Variants in ZFHX3 observed in about 807,000 individuals in gnomAD.
ZFHX3 encodes zinc finger homeobox protein 3.
In ZFHX3, 42 loss-of-function variants were observed where a neutral mutation model predicts 279.1. That is an observed-to-expected ratio of 0.15 (90% CI 0.12 to 0.19). ZFHX3 has a LOEUF of 0.19. Among genes scored for constraint, ZFHX3 ranks in the 10% least tolerant of loss-of-function variants. The pLI, the probability that ZFHX3 is intolerant of heterozygous loss-of-function variation, is 1.00. For synonymous variants in ZFHX3, 2,293 were observed against 1,957.8 expected, an observed-to-expected ratio of 1.17 and a Z score of -4.52; for missense variants, 4,981 against 4,754.0, an observed-to-expected ratio of 1.05 and a Z score of -1.40.
At chr16:72,859,230 C>A (rs1338302042) in intron 4 of ZFHX3, among the ~76,000 whole-genome samples, 1 of 152,208 alleles carries the variant, frequency 6.6e-6, no homozygotes, top group Admixed American at 6.5e-5. Context: ...AAACAGGCAG[C>A]CCACATAAAC....
intron 2 of ZFHX3, among the ~76,000 whole-genome samples, chr16:73,676,797 T>C (rs2052959014): frequency 6.6e-6 from 1 of 150,864 alleles, no homozygotes; most frequent in Non-Finnish European, 1.5e-5. Flanking sequence ...GAGATACAAA[T>C]AAAAAAAAGA....
At chr16:72,846,928 A>G (rs2037496385) in intron 4 of ZFHX3, among the ~76,000 whole-genome samples, 1 of 152,204 alleles carries the variant, frequency 6.6e-6, no homozygotes, top group Admixed American at 6.5e-5. Flanking sequence ...CTGGACGCCC[A>G]TAAACCAAAG....
chr16:72,808,201 A>C (rs1249998343), intron 7 of ZFHX3: 1 of 152,180 alleles, frequency 6.6e-6, no homozygotes, highest in Non-Finnish European at 1.5e-5. Flanking sequence ...TTTACACCAA[A>C]TTTTTCAGAG....
At chr16:73,182,072 G>C (rs1054593038) in intron 5 of ZFHX3, among the ~76,000 whole-genome samples, 2 of 152,212 alleles carry the variant, frequency 1.3e-5, no homozygotes, top group Non-Finnish European at 2.9e-5. Context: ...GGCTAGACAA[G>C]GCTCAGAATC....
At chr16:73,303,575 C>G (rs1187907939) in intron 4 of ZFHX3, among the ~76,000 whole-genome samples, 3 of 152,124 alleles carry the variant, frequency 2.0e-5, no homozygotes, top group Non-Finnish European at 2.9e-5. Flanking sequence ...GAAAAAGTCA[C>G]TTTATAACTG....
intron 4 of ZFHX3, among the ~76,000 whole-genome samples, chr16:72,879,403 G>C (rs951330538): frequency 6.6e-6 from 1 of 152,174 alleles, no homozygotes; most frequent in Non-Finnish European, 1.5e-5. Context: ...TAAAAGCACA[G>C]TGGGCAGCAA....
chr16:73,263,706 G>T (rs13329971), intron 4 of ZFHX3, among the ~76,000 whole-genome samples: 11,899 of 152,268 alleles, frequency 0.078, 559 homozygotes, highest in African/African-American at 0.12. Flanking sequence ...AGAGCTGCTA[G>T]TTGCAGGAGT....
chr16:73,516,878 C>T (rs1024759884), intron 2 of ZFHX3, among the ~76,000 whole-genome samples: 5 of 152,228 alleles, frequency 3.3e-5, no homozygotes, highest in Admixed American at 2.6e-4. Flanking sequence ...ATCTTGAATA[C>T]TTTTCTGTCT....
chr16:72,852,298 G>A (rs537921817), intron 4 of ZFHX3, among the ~76,000 whole-genome samples: 4 of 152,158 alleles, frequency 2.6e-5, no homozygotes, highest in East Asian at 3.9e-4. Flanking sequence ...GTCCAAATTC[G>A]TTTGCATTTT....
chr16:73,743,823 G>A (rs1390894342), intron 1 of ZFHX3, among the ~76,000 whole-genome samples: 1 of 152,076 alleles, frequency 6.6e-6, no homozygotes, highest in Non-Finnish European at 1.5e-5. Context: ...AGAAGCTTAT[G>A]GAAGCACTGC....
chr16:72,972,929 C>A (rs1452294211), intron 1 of ZFHX3, among the ~76,000 whole-genome samples: 1 of 152,178 alleles, frequency 6.6e-6, no homozygotes, highest in East Asian at 1.9e-4. Flanking sequence ...GACATCTCTC[C>A]TCCCTGTTCT....
At chr16:72,899,400 A>G (rs1220542716) in intron 3 of ZFHX3, among the ~76,000 whole-genome samples, 1 of 152,156 alleles carries the variant, frequency 6.6e-6, no homozygotes, top group Non-Finnish European at 1.5e-5. Flanking sequence ...GTGAAAAAGG[A>G]CATGTTTGCT....
At chr16:73,324,727 A>C (rs994539815) in intron 3 of ZFHX3, among the ~76,000 whole-genome samples, 3 of 152,190 alleles carry the variant, frequency 2.0e-5, no homozygotes, top group African/African-American at 7.2e-5. Context: ...GCTTCACCTG[A>C]ACTCTGTGAT....
chr16:73,817,581 T>C (rs1422053498), intron 1 of ZFHX3, among the ~76,000 whole-genome samples: 1 of 152,208 alleles, frequency 6.6e-6, no homozygotes, highest in Non-Finnish European at 1.5e-5. Context: ...ACCTGCTCGG[T>C]CTGCAAAGCA....
At chr16:73,094,026 G>A (rs1239013137) in intron 7 of ZFHX3, among the ~76,000 whole-genome samples, 3 of 152,150 alleles carry the variant, frequency 2.0e-5, no homozygotes, top group African/African-American at 7.2e-5. Flanking sequence ...GCAAAGGCAG[G>A]ATGGGGTGAG....
At chr16:72,839,633 C>G (rs1426732837) in intron 4 of ZFHX3, among the ~76,000 whole-genome samples, 3 of 151,584 alleles carry the variant, frequency 2.0e-5, no homozygotes, top group African/African-American at 7.3e-5. Flanking sequence ...AAGCCCCACC[C>G]CCCCCAAAAA....
At chr16:73,619,706 G>T (rs1179738827) in intron 2 of ZFHX3, among the ~76,000 whole-genome samples, 5 of 151,658 alleles carry the variant, frequency 3.3e-5, no homozygotes, top group African/African-American at 1.2e-4. Context: ...CTTCCCTCCA[G>T]CTCAAACTGT....
chr16:73,888,070 A>G (rs1324916475), intron 1 of ZFHX3, among the ~76,000 whole-genome samples: 1 of 152,160 alleles, frequency 6.6e-6, no homozygotes, highest in Non-Finnish European at 1.5e-5. Flanking sequence ...CATCTGCATC[A>G]GCCCACCTCC....
At chr16:72,937,403 C>T (rs1960181088) in intron 3 of ZFHX3, among the ~76,000 whole-genome samples, 1 of 152,198 alleles carries the variant, frequency 6.6e-6, no homozygotes, top group Non-Finnish European at 1.5e-5. Flanking sequence ...GCTGAAAGGT[C>T]CGGCGAATTA....
Sources: gnomAD v4.1 joint callset for allele counts (sites outside exome capture counted in the v4.1 genomes callset) on GRCh38, gnomAD v4.1.1 for gene constraint, MANE v1.5 for transcripts, NCBI Gene and HGNC (gene_info 2026-07-23, HGNC 2026-07-21) for gene names.